Variants in ANKRD33B observed in about 807,000 individuals in gnomAD.
ANKRD33B encodes the protein ankyrin repeat domain 33B.
A neutral mutation model predicts 21.5 loss-of-function variants in ANKRD33B; 6 were observed. The observed-to-expected ratio is 0.28, with a 90% CI of 0.15 to 0.55. ANKRD33B has a LOEUF of 0.55. ANKRD33B is among the 20% of genes least tolerant of loss of function. ANKRD33B has a pLI of 0.94. For synonymous variants in ANKRD33B, 347 were observed against 342.4 expected, an observed-to-expected ratio of 1.01 and a Z score of -0.15; for missense variants, 698 against 747.2, an observed-to-expected ratio of 0.93 and a Z score of 0.77.
intron 2 of ANKRD33B, among the ~76,000 whole-genome samples, chr5:10,631,856 C>T (rs1162171313): frequency 6.6e-6 from 1 of 152,222 alleles, no homozygotes; most frequent in Non-Finnish European, 1.5e-5. Flanking sequence ...GCCGGACGCA[C>T]TCCAAAGCCA....
At chr5:10,649,125 G>C in intron 3 of ANKRD33B, 141 bp from the exon 4 acceptor site, 13 of 1,412,542 alleles carry the variant, frequency 9.2e-6, no homozygotes, top group Non-Finnish European at 1.2e-5. Flanking sequence ...GGTTCGCAGA[G>C]TGAACTAGGT....
At chr5:10,633,174 T>A (rs921318913) in intron 2 of ANKRD33B, among the ~76,000 whole-genome samples, 1 of 149,276 alleles carries the variant, frequency 6.7e-6, no homozygotes, top group African/African-American at 2.5e-5. Context: ...CAATCTTGGC[T>A]CACCGCAACC....
intron 1 of ANKRD33B, among the ~76,000 whole-genome samples, chr5:10,608,262 G>A (rs964122237): frequency 1.3e-5 from 2 of 151,802 alleles, no homozygotes; most frequent in Non-Finnish European, 2.9e-5. Context: ...GGAGGCTGGG[G>A]CAGGAGAATC....
chr5:10,649,812 G>A lies in ANKRD33B; in HGVS notation c.1184G>A (p.Gly395Asp), dbSNP rs1737292459. 5.1e-6 allele frequency: 7 copies of A among 1,381,382 alleles called. No homozygotes were observed. The highest frequency in any genetic ancestry group is 5.6e-6 in the Non-Finnish European group (6 of 1,072,964). 85.6% of individuals were successfully genotyped at this position (1,381,382 alleles called of 1,614,324 possible). Residue 395 changes from glycine (G) to aspartate (D), a missense_variant, in exon 4 of 4, where the codon GGC (glycine) becomes GAC (aspartate). Around this residue, in one of 3 missense-constraint regions of ANKRD33B, gnomAD observed 543 missense variants for 566.5 expected, o/e 0.96. Transcript: ENST00000296657. ...CTCCCTCCCGCCCTGGGGTCCCGGG[G>A]CCCCGCAGCGCCCGCCCCGCGGAAG... The part of the protein sequence containing the change: ...AGLPPALGSR[G>D]PAAPAPRKAS...
chr5:10,564,869 A>G (rs1445251643), intron 1 of ANKRD33B, 36 bp downstream of exon 1: 2 of 1,466,732 alleles, frequency 1.4e-6, no homozygotes, highest in Non-Finnish European at 9.0e-7. Flanking sequence ...GAGCCCCCTC[A>G]CTGCCCCCAC....
chr5:10,567,476 C>T (rs574354963), intron 1 of ANKRD33B, among the ~76,000 whole-genome samples: 1 of 151,708 alleles, frequency 6.6e-6, no homozygotes, highest in East Asian at 2.0e-4. Flanking sequence ...CTAGCTGAGA[C>T]CTAGGAAACT....
chr5:10,648,661 A>C (rs903079060), intron 3 of ANKRD33B, among the ~76,000 whole-genome samples: 2 of 152,208 alleles, frequency 1.3e-5, no homozygotes, highest in African/African-American at 4.8e-5. Context: ...CGGGAGGCTG[A>C]GGCAGGAGAG....
chr5:10,638,788 T>TA (rs1736938219), intron 3 of ANKRD33B, among the ~76,000 whole-genome samples: 1 of 152,060 alleles, frequency 6.6e-6, no homozygotes, highest in South Asian at 2.1e-4. Context: ...ACGGTAGCAT[T>TA]AGGAAGTAAC....
At chr5:10,637,985 TGTGGAA>T in intron 2 of ANKRD33B, 37 bp from the exon 3 acceptor site, 1 of 1,526,320 alleles carries the variant, frequency 6.6e-7, no homozygotes. Context: ...CAGCACATTT[TGTGGAA>T]GTGGGAACCA....
chr5:10,591,336 G>C (rs1004634135), intron 1 of ANKRD33B, among the ~76,000 whole-genome samples: 1 of 151,854 alleles, frequency 6.6e-6, no homozygotes, highest in Non-Finnish European at 1.5e-5. Context: ...GGGACAACAG[G>C]TGCGTGCCAC....
chr5:10,624,812 CAT>C (rs1560978625), intron 2 of ANKRD33B: 3 of 456,782 alleles, frequency 6.6e-6, no homozygotes, highest in Non-Finnish European at 1.3e-5. Flanking sequence ...TGGGCTGGCT[CAT>C]GTGAGCATTA....
At chr5:10,584,711 C>T (rs1735517112) in intron 1 of ANKRD33B, among the ~76,000 whole-genome samples, 1 of 152,106 alleles carries the variant, frequency 6.6e-6, no homozygotes, top group Non-Finnish European at 1.5e-5. Context: ...GGACAGAATG[C>T]CAGACAGAAA....
chr5:10,632,318 A>G (rs1416522838), intron 2 of ANKRD33B, among the ~76,000 whole-genome samples: 2 of 151,910 alleles, frequency 1.3e-5, no homozygotes, highest in Admixed American at 6.6e-5. Flanking sequence ...GAAAAATTTA[A>G]CATTTTCCCC....
At chr5:10,584,555 T>TAA (rs1237096521) in intron 1 of ANKRD33B, among the ~76,000 whole-genome samples, 1 of 149,444 alleles carries the variant, frequency 6.7e-6, no homozygotes, top group African/African-American at 2.5e-5. Context: ...AAAAAAATAA[T>TAA]AAAAAAAAAA....
chr5:10,637,930 C>A, intron 2 of ANKRD33B, 98 bp from the exon 3 acceptor site: 1 of 1,383,800 alleles, frequency 7.2e-7, no homozygotes, highest in Non-Finnish European at 9.7e-7. Flanking sequence ...TGGCCCAGGG[C>A]TGACTCAGTG....
intron 1 of ANKRD33B, among the ~76,000 whole-genome samples, chr5:10,574,922 AAAAAAAAATTAAAACTT>A (rs1457665951): frequency 1.9e-5 from 1 of 53,724 alleles, no homozygotes; most frequent in African/African-American, 3.9e-5. Flanking sequence ...TCTACAAAAA[AAAAAAAAATTAAAACTT>A]AGTCGGGTGT....
At position 10,610,590 on chromosome 5, in the gene ANKRD33B, G is replaced by T. The variant is rs1458041109; in HGVS notation, c.367-7743G>T. Among the ~76,000 whole-genome samples the T allele has an allele frequency of 2.0e-5, 3 of 152,166 alleles. No homozygotes were observed. In the East Asian group the frequency reaches 5.8e-4, roughly 29 times the overall value. ...TTGGACACAGTGTCTATCAGTTTAG[G>T]GGCATGGATGAACATGCAGAGACAC... On this transcript the variant is annotated intron_variant, in intron 1 of 3. Coordinates refer to ENST00000296657, the MANE Select transcript of ANKRD33B (RefSeq NM_001164440.2).
At chr5:10,648,701 G>A (rs1414351075) in intron 3 of ANKRD33B, among the ~76,000 whole-genome samples, 4 of 152,206 alleles carry the variant, frequency 2.6e-5, no homozygotes, top group African/African-American at 4.8e-5. Flanking sequence ...AGAGGTTGCG[G>A]TGAACGGAGA....
chr5:10,636,308 G>A (rs1382598618), intron 2 of ANKRD33B, among the ~76,000 whole-genome samples: 2 of 152,184 alleles, frequency 1.3e-5, no homozygotes, highest in African/African-American at 4.8e-5. Context: ...CTGCGTCATC[G>A]GTGCATAAGA....
Sources: allele counts gnomAD v4.1 joint callset (sites outside exome capture counted in the v4.1 genomes callset), GRCh38; gene constraint gnomAD v4.1.1; regional missense constraint gnomAD v4.1.1; transcripts MANE v1.5; gene names NCBI Gene and HGNC (gene_info 2026-07-23, HGNC 2026-07-21).